The following COX7B2 variants were observed in gnomAD, a reference collection of about 807,000 sequenced individuals.
COX7B2 encodes cytochrome c oxidase subunit 7B2, mitochondrial.
For missense variants in COX7B2, 109 were observed against 95.9 expected, an observed-to-expected ratio of 1.14 and a Z score of -0.57; for synonymous variants, 37 against 32.1, an observed-to-expected ratio of 1.15 and a Z score of -0.51.
chr4:46,801,031 C>T (rs1400319082), intron 2 of COX7B2, among the ~76,000 whole-genome samples: 1 of 151,988 alleles, frequency 6.6e-6, no homozygotes, highest in Non-Finnish European at 1.5e-5. Flanking sequence ...ATCAAAACTC[C>T]AATAAGATAC....
At chr4:46,816,756 T>C (rs550774788) in intron 2 of COX7B2, among the ~76,000 whole-genome samples, 4 of 152,330 alleles carry the variant, frequency 2.6e-5, no homozygotes, top group African/African-American at 7.2e-5. Context: ...TAACTTCTCA[T>C]TGATAGGTTT....
intron 1 of COX7B2, among the ~76,000 whole-genome samples, chr4:46,886,964 T>C (rs1719119157): frequency 6.6e-6 from 1 of 152,202 alleles, no homozygotes; most frequent in Admixed American, 6.5e-5. Context: ...CGCAGACATA[T>C]TTTAAACTCG....
chr4:46,765,776 C>T (rs1338728942), intron 2 of COX7B2, among the ~76,000 whole-genome samples: 1 of 152,060 alleles, frequency 6.6e-6, no homozygotes, highest in East Asian at 1.9e-4. Flanking sequence ...TCCCCAGGCT[C>T]CAGGATCATG....
intron 2 of COX7B2, among the ~76,000 whole-genome samples, chr4:46,832,832 A>G (rs1424818891): frequency 6.6e-6 from 1 of 151,666 alleles, no homozygotes; most frequent in African/African-American, 2.4e-5. Flanking sequence ...CCATAATTGT[A>G]AGCTCCCTGA....
intron 2 of COX7B2, among the ~76,000 whole-genome samples, chr4:46,800,404 A>C (rs1446607758): frequency 6.6e-6 from 1 of 152,196 alleles, no homozygotes; most frequent in Non-Finnish European, 1.5e-5. Context: ...TGGTACTGGC[A>C]CAAAAACAGA....
chr4:46,785,542 T>C (rs1366467890), intron 2 of COX7B2, among the ~76,000 whole-genome samples: 15 of 152,186 alleles, frequency 9.9e-5, no homozygotes, highest in Admixed American at 9.2e-4. Context: ...CCGGCTATGA[T>C]ACAGCAATTT....
intron 2 of COX7B2, among the ~76,000 whole-genome samples, chr4:46,750,816 A>G (rs971765314): frequency 6.6e-6 from 1 of 152,176 alleles, no homozygotes; most frequent in Non-Finnish European, 1.5e-5. Context: ...GTCCTCAAAT[A>G]GTGGAAAGAA....
intron 2 of COX7B2, among the ~76,000 whole-genome samples, chr4:46,840,422 A>G (rs1011298605): frequency 1.1e-4 from 16 of 152,140 alleles, no homozygotes; most frequent in African/African-American, 3.4e-4. Flanking sequence ...ATATTAAATA[A>G]GCCACAAGAA....
chr4:46,825,663 T>C (rs960395920), intron 2 of COX7B2, among the ~76,000 whole-genome samples: 4 of 152,152 alleles, frequency 2.6e-5, no homozygotes, highest in African/African-American at 4.8e-5. Context: ...CAAAACAGCA[T>C]GGTAATTGTA....
chr4:46,756,413 C>T (rs1332001359), intron 2 of COX7B2, among the ~76,000 whole-genome samples: 1 of 151,898 alleles, frequency 6.6e-6, no homozygotes, highest in African/African-American at 2.4e-5. Flanking sequence ...ACCAAGTCCT[C>T]AAAAGCAAAT....
intron 1 of COX7B2, among the ~76,000 whole-genome samples, chr4:46,863,342 A>G (rs544632440): frequency 1.3e-5 from 2 of 152,288 alleles, no homozygotes; most frequent in African/African-American, 4.8e-5. Context: ...TTTAAGAAAG[A>G]GATAGTACAG....
chr4:46,857,026 C>T (rs995710526), intron 1 of COX7B2, among the ~76,000 whole-genome samples: 1 of 152,150 alleles, frequency 6.6e-6, no homozygotes, highest in African/African-American at 2.4e-5. Context: ...ATGTAAAAAA[C>T]TAAAAACTTT....
At chr4:46,761,924 C>CT (rs34710310) in intron 2 of COX7B2, among the ~76,000 whole-genome samples, 38 of 146,420 alleles carry the variant, frequency 2.6e-4, no homozygotes, top group African/African-American at 4.7e-4. Flanking sequence ...CACCTACTGT[C>CT]TTTTTTTTTT....
chr4:46,801,621 C>A (rs1017779962), intron 2 of COX7B2, among the ~76,000 whole-genome samples: 1 of 152,006 alleles, frequency 6.6e-6, no homozygotes, highest in Non-Finnish European at 1.5e-5. Context: ...GGGTGTTATG[C>A]CCACTACCTG....
intron 2 of COX7B2, among the ~76,000 whole-genome samples, chr4:46,800,639 A>G (rs1718608736): frequency 2.0e-5 from 3 of 152,188 alleles, no homozygotes; most frequent in Admixed American, 2.0e-4. Context: ...AAAACCTAAA[A>G]CTATAAAATC....
chr4:46,758,617 C>T (rs1715944193), intron 2 of COX7B2, among the ~76,000 whole-genome samples: 1 of 152,238 alleles, frequency 6.6e-6, no homozygotes, highest in East Asian at 1.9e-4. Context: ...AAGTCCAACT[C>T]TTTTTAGCCA....
At chr4:46,779,262 G>T (rs1577694994) in intron 2 of COX7B2, among the ~76,000 whole-genome samples, 1 of 152,224 alleles carries the variant, frequency 6.6e-6, no homozygotes, top group South Asian at 2.1e-4. Flanking sequence ...ATATAAGTGA[G>T]ATCACACAGT....
intron 2 of COX7B2, among the ~76,000 whole-genome samples, chr4:46,772,283 G>A (rs186184101): frequency 1.5e-4 from 23 of 152,204 alleles, no homozygotes; most frequent in Admixed American, 1.2e-3. Context: ...GTGTTGTCAC[G>A]CACTGGGGTG....
chr4:46,892,122 A>G (rs1719464850), intron 1 of COX7B2, among the ~76,000 whole-genome samples: 3 of 152,154 alleles, frequency 2.0e-5, no homozygotes, highest in Non-Finnish European at 4.4e-5. Context: ...TTCCCAGAGG[A>G]GTCATGGATT....
Sources: gnomAD v4.1 joint callset for allele counts (sites outside exome capture counted in the v4.1 genomes callset) on GRCh38, gnomAD v4.1.1 for gene constraint, MANE v1.5 for transcripts, NCBI Gene and HGNC (gene_info 2026-07-23, HGNC 2026-07-21) for gene names.